Variants in OR3A2 observed in about 807,000 individuals in gnomAD.
The protein encoded by OR3A2 is olfactory receptor family 3 subfamily A member 2.
For synonymous variants in OR3A2, 126 were observed against 159.3 expected (o/e 0.79, Z 1.57); for missense variants, 318 against 392.8 (o/e 0.81, Z 1.61).
At chr17:3,363,042 C>A (rs775900476) in intron 2 of OR3A2, among the ~76,000 whole-genome samples, 1 of 151,788 alleles carries the variant, frequency 6.6e-6, no homozygotes, top group Non-Finnish European at 1.5e-5. Context: ...ACCATTTTTC[C>A]CTCTTAGGCC....
chr17:3,352,600 G>C (rs1391349691), intron 2 of OR3A2, among the ~76,000 whole-genome samples: 1 of 151,784 alleles, frequency 6.6e-6, no homozygotes, highest in Non-Finnish European at 1.5e-5. Flanking sequence ...ATGTTCCATT[G>C]GTTTATATGT....
chr17:3,355,825 A>G (rs956748092), intron 2 of OR3A2, among the ~76,000 whole-genome samples: 22 of 151,246 alleles, frequency 1.5e-4, no homozygotes, highest in Non-Finnish European at 3.1e-4. Flanking sequence ...AGTTATTATT[A>G]AGTAGGGACT....
chr17:3,372,243 G>A (rs1370737101), intron 2 of OR3A2, among the ~76,000 whole-genome samples: 4 of 148,220 alleles, frequency 2.7e-5, no homozygotes, highest in Admixed American at 6.7e-5. Flanking sequence ...GGGCAGAGAT[G>A]CTCCTCACTT....
At chr17:3,316,918 C>A (rs1330816446) in intron 3 of OR3A2, among the ~76,000 whole-genome samples, 1 of 152,226 alleles carries the variant, frequency 6.6e-6, no homozygotes, top group Non-Finnish European at 1.5e-5. Context: ...TTTTAGCCTA[C>A]AGATCTGTTC....
intron 2 of OR3A2, among the ~76,000 whole-genome samples, chr17:3,347,586 A>G (rs2049377896): frequency 6.6e-6 from 1 of 152,216 alleles, no homozygotes; most frequent in Non-Finnish European, 1.5e-5. Context: ...ATCATTTTTT[A>G]AGGCTGCATA....
downstream of OR3A2, chr17:3,276,874 G>A (rs1446753620): frequency 6.6e-6 from 1 of 151,594 alleles, no homozygotes; most frequent in Non-Finnish European, 1.5e-5. Flanking sequence ...AATTTAGTGG[G>A]CTCTTTTCCT....
At chr17:3,285,853 A>G (rs536274029), upstream of OR3A2, among the ~76,000 whole-genome samples, 3 of 152,364 alleles carry the variant, frequency 2.0e-5, no homozygotes, top group East Asian at 5.8e-4. Context: ...TGTCATGTAC[A>G]TGGTAACATG....
At chr17:3,334,919 C>A (rs941836215) in intron 3 of OR3A2, among the ~76,000 whole-genome samples, 1 of 152,124 alleles carries the variant, frequency 6.6e-6, no homozygotes, top group Non-Finnish European at 1.5e-5. Flanking sequence ...GGTTCTTATA[C>A]ATATTGCTAA....
At chr17:3,384,402 C>A (rs929377805) in intron 1 of OR3A2, among the ~76,000 whole-genome samples, 1 of 152,182 alleles carries the variant, frequency 6.6e-6, no homozygotes, top group African/African-American at 2.4e-5. Context: ...GTTTTACTCT[C>A]TTCACTCCAT....
chr17:3,324,012 G>C lies in OR3A2; in HGVS notation c.-85+12021C>G, dbSNP rs374527645. ...AGGTACACCAATCAGACATAGATTT[G>C]GTCTTTTCACGTAGTCCCATATTTC... On this transcript the variant is annotated intron_variant, in intron 3 of 4. Coordinates refer to the OR3A2 transcript ENST00000573491. 7.2e-5 allele frequency among the ~76,000 whole-genome samples: 11 copies of C among 152,048 alleles called. No homozygotes were observed. In the South Asian group the frequency reaches 1.5e-3, roughly 20 times the overall value.
intron 2 of OR3A2, among the ~76,000 whole-genome samples, chr17:3,339,966 T>C (rs957730893): frequency 6.6e-6 from 1 of 152,218 alleles, no homozygotes; most frequent in African/African-American, 2.4e-5. Flanking sequence ...TATTGGTCTA[T>C]TCAGAGATTC....
chr17:3,287,449 G>A (rs954187743), upstream of OR3A2, among the ~76,000 whole-genome samples: 9 of 152,038 alleles, frequency 5.9e-5, no homozygotes, highest in Admixed American at 2.0e-4. Flanking sequence ...CTATATCTCT[G>A]CTGAGATTTT....
chr17:3,278,772 AG>A lies in OR3A2; in HGVS notation c.145del (p.Leu49TrpfsTer70), dbSNP rs2048759897. 7.0e-7 allele frequency: 1 copy of A among 1,436,942 alleles called. No homozygotes were observed. Among genetic ancestry groups the A allele is most frequent in the Non-Finnish European group, 9.5e-7 (1 of 1,057,084 alleles). 89.0% of individuals were successfully genotyped at this position (1,436,942 alleles called of 1,614,324 possible). On this transcript the variant is annotated frameshift_variant, in exon 2 of 2. Coordinates refer to ENST00000642052, the Ensembl canonical transcript of OR3A2. LOFTEE classifies it low-confidence loss of function (END_TRUNC). ...TTTGGGCTCCACCAAGACGGCTGCC[AG>A]GATGCTGAGGTTGCCCCCAGTTGTG...
At chr17:3,314,111 C>A (rs1300221675) in intron 3 of OR3A2, among the ~76,000 whole-genome samples, 2 of 152,178 alleles carry the variant, frequency 1.3e-5, no homozygotes, top group Non-Finnish European at 2.9e-5. Flanking sequence ...AATGCAATAT[C>A]ATTTCTCCTC....
At chr17:3,372,434 G>A (rs1354358580) in intron 2 of OR3A2, among the ~76,000 whole-genome samples, 1 of 152,088 alleles carries the variant, frequency 6.6e-6, no homozygotes, top group Non-Finnish European at 1.5e-5. Context: ...CGGCTGGGCA[G>A]AGGCTGCAAT....
chr17:3,292,047 T>G, intron 3 of OR3A2: 1 of 1,614,010 alleles, frequency 6.2e-7, no homozygotes, highest in Non-Finnish European at 8.5e-7. Flanking sequence ...ACAGTAGAAG[T>G]GATTGATCAC....
At chr17:3,367,458 T>C (rs230476) in intron 2 of OR3A2, among the ~76,000 whole-genome samples, 62,759 of 150,664 alleles carry the variant, frequency 0.42, 13,324 homozygotes, top group Admixed American at 0.52. Flanking sequence ...TGAGAACATA[T>C]GATGTTTGAT....
chr17:3,330,820 A>C (rs4790466), intron 3 of OR3A2, among the ~76,000 whole-genome samples: 89,768 of 151,420 alleles, frequency 0.59, 27,639 homozygotes, highest in African/African-American at 0.74. Flanking sequence ...ATGGTCTTTA[A>C]ATTTTGGCAT....
At chr17:3,330,858 T>C (rs2049226117) in intron 3 of OR3A2, among the ~76,000 whole-genome samples, 1 of 152,132 alleles carries the variant, frequency 6.6e-6, no homozygotes, top group Admixed American at 6.6e-5. Context: ...TACCGGTTGT[T>C]CCTTTCCATG....
Sources: allele counts gnomAD v4.1 joint callset (sites outside exome capture counted in the v4.1 genomes callset), GRCh38; gene constraint gnomAD v4.1.1; transcripts MANE v1.5; gene names NCBI Gene and HGNC (gene_info 2026-07-23, HGNC 2026-07-21).